The following ABLIM1 variants were observed in gnomAD, a reference collection of about 807,000 sequenced individuals.
ABLIM1 encodes actin binding LIM protein 1, also known as actin-binding LIM protein 1.
A neutral mutation model predicts 107.0 loss-of-function variants in ABLIM1; 40 were observed. The observed-to-expected ratio is 0.37, with a 90% CI of 0.29 to 0.49. The LOEUF is 0.49. Among genes scored for constraint, ABLIM1 ranks in the 20% least tolerant of loss-of-function variants. The pLI is 0.97. For missense variants in ABLIM1, 857 were observed against 1,008.5 expected, an observed-to-expected ratio of 0.85 and a Z score of 2.04; for synonymous variants, 357 against 357.3, an observed-to-expected ratio of 1.00 and a Z score of 0.01.
intron 17 of ABLIM1, 42 bp downstream of exon 17, chr10:114,443,987 G>A: frequency 6.6e-7 from 1 of 1,518,584 alleles, no homozygotes; most frequent in Non-Finnish European, 9.0e-7. Flanking sequence ...CAAGCAGGTG[G>A]CTGGCTCTCG....
intron 11 of ABLIM1, 67 bp downstream of exon 11, chr10:114,468,114 G>C: frequency 1.4e-6 from 2 of 1,416,252 alleles, no homozygotes; most frequent in Non-Finnish European, 2.0e-6. Flanking sequence ...AAAAATCCCA[G>C]TCTAGGGAAG....
chr10:114,521,284 C>T (rs1027679669), intron 6 of ABLIM1, among the ~76,000 whole-genome samples: 2 of 152,218 alleles, frequency 1.3e-5, no homozygotes, highest in Admixed American at 1.3e-4. Flanking sequence ...CATCTGTACG[C>T]CTTTCGGCAA....
chr10:114,483,496 C>CA (rs1043501194), intron 8 of ABLIM1, among the ~76,000 whole-genome samples: 13 of 152,146 alleles, frequency 8.5e-5, no homozygotes, highest in African/African-American at 2.9e-4. Context: ...AGGCTGGTCT[C>CA]AAACTCCTGG....
chr10:114,739,591 C>T (rs1347121351), intron 1 of ABLIM1, among the ~76,000 whole-genome samples: 1 of 151,926 alleles, frequency 6.6e-6, no homozygotes, highest in African/African-American at 2.4e-5. Context: ...TTAATATCAT[C>T]CAGTATTTTT....
At chr10:114,462,419 G>A (rs1045567808) in intron 12 of ABLIM1, among the ~76,000 whole-genome samples, 2 of 152,110 alleles carry the variant, frequency 1.3e-5, no homozygotes, top group Non-Finnish European at 2.9e-5. Flanking sequence ...AAGCATTGCC[G>A]ACAATGATGA....
At chr10:114,640,859 A>G (rs2078713304) in intron 1 of ABLIM1, among the ~76,000 whole-genome samples, 1 of 152,200 alleles carries the variant, frequency 6.6e-6, no homozygotes, top group Non-Finnish European at 1.5e-5. Flanking sequence ...ATATTTGAGT[A>G]CCACTAATGG....
intron 8 of ABLIM1, among the ~76,000 whole-genome samples, chr10:114,475,624 A>C (rs75115088): frequency 0.022 from 3,423 of 152,318 alleles, 96 homozygotes; most frequent in African/African-American, 0.065. Flanking sequence ...TATGTTAATT[A>C]CACGATTTGA....
chr10:114,466,312 TA>T lies in ABLIM1; in HGVS notation c.1312-486del, dbSNP rs879903892. ...ACGACAGAGTGAGACACTGTTTCTTTAAAAAAAAAAAATTTTAAGGATGAAA... is the reference window on the plus strand; with the variant it reads ...ACGACAGAGTGAGACACTGTTTCTTTAAAAAAAAAAATTTTAAGGATGAAA... On this transcript the variant is annotated intron_variant, in intron 11 of 22. Coordinates refer to ENST00000533213, the MANE Select transcript of ABLIM1 (RefSeq NM_002313.7). Among the ~76,000 whole-genome samples, 1,034 of 147,792 alleles carry T rather than the reference TA, an allele frequency of 7.0e-3. 6 individuals are homozygous for T. Among genetic ancestry groups the T allele is most frequent in the African/African-American group, 0.022 (873 of 40,526 alleles).
chr10:114,798,489 T>C, the ABLIM1 span, among the ~76,000 whole-genome samples: 7,790 of 149,496 alleles, frequency 0.052, 679 homozygotes, highest in African/African-American at 0.18. Context: ...CCCAGCACTT[T>C]GGGAAGCTGA....
upstream of ABLIM1, among the ~76,000 whole-genome samples, chr10:114,687,615 G>A (rs1039896743): frequency 9.9e-5 from 15 of 152,084 alleles, no homozygotes; most frequent in African/African-American, 3.1e-4. Context: ...AAAAGACCTC[G>A]CCTAGGCCTG....
upstream of ABLIM1, among the ~76,000 whole-genome samples, chr10:114,660,243 G>T (rs750596524): frequency 3.3e-5 from 5 of 152,142 alleles, no homozygotes; most frequent in Non-Finnish European, 5.9e-5. Flanking sequence ...TCTTTTCCCT[G>T]TTTGCCTATT....
chr10:114,705,485 G>C (rs2081401949), intron 1 of ABLIM1, among the ~76,000 whole-genome samples: 1 of 152,150 alleles, frequency 6.6e-6, no homozygotes, highest in Non-Finnish European at 1.5e-5. Context: ...GAATCTGGAG[G>C]GGATGTTCTG....
chr10:114,443,322 T>C (rs916195878), intron 17 of ABLIM1, among the ~76,000 whole-genome samples: 3 of 151,926 alleles, frequency 2.0e-5, no homozygotes, highest in African/African-American at 7.3e-5. Flanking sequence ...TTTTTTCTTT[T>C]TTTTTTTGAG....
chr10:114,543,701 A>C (rs1367245210), intron 6 of ABLIM1, among the ~76,000 whole-genome samples: 1 of 152,220 alleles, frequency 6.6e-6, no homozygotes, highest in Non-Finnish European at 1.5e-5. Context: ...TACCGCTTTT[A>C]GGGTAACACC....
chr10:114,474,743 T>C (rs1186384103), intron 8 of ABLIM1, among the ~76,000 whole-genome samples: 1 of 152,170 alleles, frequency 6.6e-6, no homozygotes, highest in Admixed American at 6.5e-5. Context: ...AGCATTGATA[T>C]AGTTTGGCTG....
At chr10:114,474,098 C>G in intron 8 of ABLIM1, 142 bp from the exon 9 acceptor site, 1 of 623,182 alleles carries the variant, frequency 1.6e-6, no homozygotes, top group Non-Finnish European at 2.7e-6. Context: ...AAAATACAAC[C>G]TAGAAGGAAA....
intron 10 of ABLIM1, among the ~76,000 whole-genome samples, chr10:114,470,926 C>T (rs1350659552): frequency 6.6e-6 from 1 of 151,970 alleles, no homozygotes; most frequent in African/African-American, 2.4e-5. Context: ...ACTCTATCAC[C>T]CAGGCCGGAG....
the ABLIM1 span, among the ~76,000 whole-genome samples, chr10:114,798,556 A>ACAC: frequency 3.4e-4 from 43 of 125,996 alleles, 1 homozygote; most frequent in Non-Finnish European, 6.1e-4. Flanking sequence ...AGATGATGAG[A>ACAC]CCCCCCCCCC....
intron 1 of ABLIM1, among the ~76,000 whole-genome samples, chr10:114,741,455 G>A (rs2082286850): frequency 6.6e-6 from 1 of 151,756 alleles, no homozygotes; most frequent in South Asian, 2.1e-4. Flanking sequence ...TCGATCTTCT[G>A]ACCTCGTGAT....
Sources: gnomAD v4.1 joint callset for allele counts (sites outside exome capture counted in the v4.1 genomes callset) on GRCh38, gnomAD v4.1.1 for gene constraint, MANE v1.5 for transcripts, NCBI Gene and HGNC (gene_info 2026-07-23, HGNC 2026-07-21) for gene names.